The following TAOK3 variants were observed in gnomAD, a reference collection of about 807,000 sequenced individuals.
TAOK3 encodes the protein serine/threonine-protein kinase TAO3.
A neutral mutation model predicts 120.4 loss-of-function variants in TAOK3; 40 were observed. That is an observed-to-expected ratio of 0.33 (90% confidence interval 0.26 to 0.43). The LOEUF (loss-of-function observed/expected upper bound fraction) is 0.43, where lower values mean the gene tolerates loss of function less well. Ranked by LOEUF, TAOK3 falls within the 20% of genes least tolerant of loss-of-function variation. The pLI, the probability that TAOK3 is intolerant of heterozygous loss-of-function variation, is 1.00. For synonymous variants in TAOK3, 355 were observed against 387.5 expected, an observed-to-expected ratio of 0.92 and a Z score of 0.99; for missense variants, 821 against 1,112.1, an observed-to-expected ratio of 0.74 and a Z score of 3.72.
chr12:118,181,088 G>A (rs1243281193), intron 15 of TAOK3, among the ~76,000 whole-genome samples: 3 of 151,790 alleles, frequency 2.0e-5, no homozygotes, highest in Admixed American at 2.0e-4. Flanking sequence ...CAGGTGATCT[G>A]CCTGCCTCGG....
In TAOK3 at chr12:118,243,450, A is replaced by T; in HGVS notation, c.259T>A (p.Tyr87Asn). 1 of 1,575,056 alleles carries T rather than the reference A, an allele frequency of 6.3e-7. No homozygotes were observed. The highest frequency in any genetic ancestry group is 1.2e-5 in the South Asian group (1 of 84,008). The change falls in exon 5 of 21, where the codon TAC becomes AAC. Residue 87 changes from tyrosine to asparagine, a missense_variant. This residue lies in a region of TAOK3 where 467 missense variants were observed against 540.0 expected (regional missense o/e 0.86). Transcript: ENST00000392533. ...TGTTCTTTCAAGTAACAGCCTTTGTACTCAATAGTATTAGGATGCTTCAAT... is the reference window on the plus strand; with the variant it reads ...TGTTCTTTCAAGTAACAGCCTTTGTTCTCAATAGTATTAGGATGCTTCAAT... ...RQLKHPNTIE[Y>N]KGCYLKEHTA...
intron 1 of TAOK3, among the ~76,000 whole-genome samples, chr12:118,287,473 G>A (rs536681735): frequency 8.2e-4 from 125 of 152,158 alleles, no homozygotes; most frequent in Admixed American, 2.5e-3. Context: ...GGCTGGTCAC[G>A]AACTGAATTT....
intron 8 of TAOK3, among the ~76,000 whole-genome samples, chr12:118,234,411 A>C (rs2039932716): frequency 6.6e-6 from 1 of 150,520 alleles, no homozygotes; most frequent in African/African-American, 2.4e-5. Context: ...TGCCTGACTA[A>C]TTTTTTGTAT....
intron 15 of TAOK3, among the ~76,000 whole-genome samples, chr12:118,178,153 T>C (rs745358017): frequency 3.9e-5 from 6 of 152,164 alleles, no homozygotes; most frequent in Non-Finnish European, 7.3e-5. Flanking sequence ...GGTCCCACTT[T>C]GTTGCCTAGG....
chr12:118,241,044 CAATTA>C (rs1483820465), intron 5 of TAOK3, among the ~76,000 whole-genome samples: 1 of 148,710 alleles, frequency 6.7e-6, no homozygotes, highest in South Asian at 2.1e-4. Flanking sequence ...ATATAGAATG[CAATTA>C]AATTAGATAT....
At chr12:118,271,523 C>T (rs2041698743) in intron 1 of TAOK3, among the ~76,000 whole-genome samples, 1 of 152,098 alleles carries the variant, frequency 6.6e-6, no homozygotes, top group Non-Finnish European at 1.5e-5. Context: ...CTTTTTATTG[C>T]CAAATAATAT....
chr12:118,325,503 C>A (rs553822142), intron 1 of TAOK3, among the ~76,000 whole-genome samples: 1 of 152,000 alleles, frequency 6.6e-6, no homozygotes, highest in Admixed American at 6.6e-5. Flanking sequence ...TTTTCATATA[C>A]CTGTTGGCCA....
chr12:118,242,041 C>G (rs890353159), intron 5 of TAOK3, among the ~76,000 whole-genome samples: 1 of 150,534 alleles, frequency 6.6e-6, no homozygotes, highest in South Asian at 2.1e-4. Context: ...CAGCCGAGAT[C>G]GCGCCATTGC....
At chr12:118,270,525 C>G (rs887566772) in intron 1 of TAOK3, among the ~76,000 whole-genome samples, 12 of 152,084 alleles carry the variant, frequency 7.9e-5, no homozygotes, top group Admixed American at 1.3e-4. Context: ...TTCTTAAACT[C>G]TATAATCAGG....
intron 3 of TAOK3, among the ~76,000 whole-genome samples, chr12:118,250,297 AAC>A (rs916463837): frequency 2.0e-5 from 3 of 152,078 alleles, no homozygotes; most frequent in Non-Finnish European, 4.4e-5. Flanking sequence ...CGTAAATCCA[AAC>A]ACACAGAAAT....
intron 1 of TAOK3, among the ~76,000 whole-genome samples, chr12:118,347,504 G>A (rs1474572386): frequency 1.3e-5 from 2 of 152,118 alleles, no homozygotes; most frequent in African/African-American, 4.8e-5. Context: ...CAACTCACTA[G>A]CTCCAGCCTC....
intron 11 of TAOK3, 24 bp from the exon 12 acceptor site, chr12:118,201,487 T>C: frequency 6.3e-7 from 1 of 1,589,916 alleles, no homozygotes; most frequent in Non-Finnish European, 8.6e-7. Flanking sequence ...GAGGAAAAAA[T>C]AAACTGATAA....
chr12:118,253,755 C>CAAAAAA (rs11299995), intron 3 of TAOK3, among the ~76,000 whole-genome samples: 1 of 146,098 alleles, frequency 6.8e-6, no homozygotes, highest in African/African-American at 2.5e-5. Flanking sequence ...AACAAACAAA[C>CAAAAAA]AAAAAAAAAA....
intron 1 of TAOK3, among the ~76,000 whole-genome samples, chr12:118,309,323 T>C (rs1278304700): frequency 4.9e-5 from 6 of 122,712 alleles, no homozygotes; most frequent in East Asian, 2.6e-4. Context: ...AGTGAGACTG[T>C]CTCCAAAAAA....
At chr12:118,206,496 T>C (rs935518110) in intron 11 of TAOK3, among the ~76,000 whole-genome samples, 7 of 152,210 alleles carry the variant, frequency 4.6e-5, no homozygotes, top group African/African-American at 1.7e-4. Context: ...TCTAGGTACA[T>C]TCTAGGTAAT....
chr12:118,152,150 G>A (rs2138178850), intron 20 of TAOK3, 77 bp downstream of exon 20: 1 of 1,362,780 alleles, frequency 7.3e-7, no homozygotes, highest in Non-Finnish European at 1.0e-6. Flanking sequence ...AACTAAGGAA[G>A]GCTGCATATA....
chr12:118,365,346 C>A (rs1257375034), intron 1 of TAOK3, among the ~76,000 whole-genome samples: 1 of 152,020 alleles, frequency 6.6e-6, no homozygotes, highest in Non-Finnish European at 1.5e-5. Flanking sequence ...GATCCTCCCA[C>A]CTTAGCCTCC....
chr12:118,173,392 C>T (rs1334582510), intron 16 of TAOK3, among the ~76,000 whole-genome samples: 1 of 152,120 alleles, frequency 6.6e-6, no homozygotes, highest in Non-Finnish European at 1.5e-5. Flanking sequence ...GTGAGAGTGT[C>T]ATAATGAGAT....
In TAOK3 at chr12:118,152,207, C is replaced by T. The variant is rs372328966; in HGVS notation, c.2535+20G>A. The T allele has an allele frequency of 1.2e-6, 2 of 1,602,594 alleles. No homozygotes were observed. Among genetic ancestry groups the T allele is most frequent in the Non-Finnish European group, 1.7e-6 (2 of 1,170,922 alleles). On this transcript the variant is annotated intron_variant, in intron 20 of 20. Transcript: ENST00000392533. ...CCCCTTCCACCCAGTGGCACCGGAC[C>T]CCTGGTAATGCTCCCTTACCTTCTG... is the stretch of plus-strand genomic sequence containing the variant.
Sources: allele counts gnomAD v4.1 joint callset (sites outside exome capture counted in the v4.1 genomes callset), GRCh38; gene constraint gnomAD v4.1.1; regional missense constraint gnomAD v4.1.1; transcripts MANE v1.5; gene names NCBI Gene and HGNC (gene_info 2026-07-23, HGNC 2026-07-21).